The following ITPR1 variants were observed in gnomAD, a reference collection of about 807,000 sequenced individuals.
The protein encoded by ITPR1 is inositol 1,4,5-trisphosphate-gated calcium channel ITPR1.
ITPR1 carries 96 observed loss-of-function variants against 318.4 expected under a neutral mutation model. The observed-to-expected ratio is 0.30, with a 90% CI of 0.26 to 0.36. The LOEUF is 0.36. ITPR1 is among the 10% of genes least tolerant of loss of function. The pLI, the probability that ITPR1 is intolerant of heterozygous loss-of-function variation, is 1.00. For missense variants in ITPR1, 2,440 were observed against 3,460.2 expected, an observed-to-expected ratio of 0.71 and a Z score of 7.40; for synonymous variants, 1,312 against 1,289.9, an observed-to-expected ratio of 1.02 and a Z score of -0.37.
At chr3:4,761,546 C>G (rs192918216) in intron 44 of ITPR1, among the ~76,000 whole-genome samples, 1 of 152,214 alleles carries the variant, frequency 6.6e-6, no homozygotes, top group Admixed American at 6.5e-5. Flanking sequence ...TTTGATTTCT[C>G]TCACCATCAC....
chr3:4,757,465 G>C (rs1192582514), intron 44 of ITPR1, among the ~76,000 whole-genome samples: 5 of 152,174 alleles, frequency 3.3e-5, no homozygotes, highest in Admixed American at 2.6e-4. Flanking sequence ...AGACCTGGTG[G>C]GTAGGGGTAG....
At chr3:4,573,987 T>C (rs2088320692) in intron 4 of ITPR1, among the ~76,000 whole-genome samples, 1 of 152,174 alleles carries the variant, frequency 6.6e-6, no homozygotes, top group Admixed American at 6.5e-5. Flanking sequence ...GTGGAATGAG[T>C]GCGTAAAATA....
intron 59 of ITPR1, among the ~76,000 whole-genome samples, chr3:4,816,855 G>C (rs11130153): frequency 0.17 from 26,487 of 152,146 alleles, 2,826 homozygotes; most frequent in South Asian, 0.26. Flanking sequence ...ACTCTATTAT[G>C]ATGATGGTTG....
chr3:4,787,866 C>T (rs991397201), intron 51 of ITPR1, 81 bp from the exon 52 acceptor site: 17 of 951,854 alleles, frequency 1.8e-5, no homozygotes, highest in Middle Eastern at 2.6e-4. Context: ...TCTTGACCAC[C>T]GAGTCTACCA....
At chr3:4,681,489 A>G (rs1277216034) in intron 26 of ITPR1, 71 bp downstream of exon 26, 4 of 1,019,664 alleles carry the variant, frequency 3.9e-6, no homozygotes, top group Non-Finnish European at 6.2e-6. Flanking sequence ...CCTTCCCTTT[A>G]TTATGTTAGT....
intron 54 of ITPR1, among the ~76,000 whole-genome samples, chr3:4,804,092 G>A (rs752766794): frequency 1.7e-4 from 26 of 152,126 alleles, no homozygotes; most frequent in African/African-American, 4.6e-4. Flanking sequence ...GGCTGGTCGC[G>A]AACTCCTGAG....
rs75099514 is a variant in ITPR1 at position 4,548,526 on chromosome 3, G to A, written c.163+27432G>A. 3.3e-3 allele frequency among the ~76,000 whole-genome samples: 509 copies of A among 152,172 alleles called. 5 individuals are homozygous for A. Among genetic ancestry groups the A allele is most frequent in the African/African-American group, 0.012 (487 of 41,514 alleles). ...AAAACAAATTTCAGCACCTTTTCCC[G>A]AAGCCCGTATGCCTCCTTATGAAAT... On this transcript the variant is annotated intron_variant, in intron 4 of 61. Transcript: ENST00000649015.
At chr3:4,794,826 C>T (rs1476344384) in intron 52 of ITPR1, among the ~76,000 whole-genome samples, 1 of 152,190 alleles carries the variant, frequency 6.6e-6, no homozygotes, top group Non-Finnish European at 1.5e-5. Context: ...TCTCTTTTTG[C>T]TCTCTCCTTA....
chr3:4,541,093 C>T lies in ITPR1; in HGVS notation c.163+19999C>T, dbSNP rs984596496. 5.5e-4 allele frequency among the ~76,000 whole-genome samples: 83 copies of T among 152,138 alleles called. 4 individuals are homozygous for T. The highest frequency in any genetic ancestry group is 2.4e-4 in the Non-Finnish European group (16 of 68,030). ...TATTTAAACTCCTGTCATCCTCTCTCAGTCTATGCTCCTGTTCATGATGTT... is the reference window on the plus strand; with the variant it reads ...TATTTAAACTCCTGTCATCCTCTCTTAGTCTATGCTCCTGTTCATGATGTT... On this transcript the variant is annotated intron_variant, in intron 4 of 61. Transcript: ENST00000649015.
intron 34 of ITPR1, among the ~76,000 whole-genome samples, chr3:4,697,988 A>G (rs75217586): frequency 7.5e-4 from 115 of 152,330 alleles, no homozygotes; most frequent in African/African-American, 2.7e-3. Context: ...GGATTCTGCA[A>G]AACTCTTCAC....
intron 44 of ITPR1, among the ~76,000 whole-genome samples, chr3:4,743,936 G>C (rs181899527): frequency 6.7e-4 from 102 of 152,332 alleles, no homozygotes; most frequent in Non-Finnish European, 7.5e-4. Context: ...ATGGGTTCAA[G>C]CAATTCTCCT....
chr3:4,726,186 C>T (rs1023700325), intron 41 of ITPR1, among the ~76,000 whole-genome samples: 14 of 152,040 alleles, frequency 9.2e-5, no homozygotes, highest in Admixed American at 7.9e-4. Context: ...TGTGCAACAA[C>T]GCTCAGCGAA....
chr3:4,741,297 G>C (rs1303759865), intron 44 of ITPR1, among the ~76,000 whole-genome samples: 2 of 152,214 alleles, frequency 1.3e-5, no homozygotes, highest in African/African-American at 4.8e-5. Context: ...TATGGGGATA[G>C]ATAGTTAAAC....
chr3:4,495,414 G>A (rs1383685178), intron 2 of ITPR1, among the ~76,000 whole-genome samples: 3 of 152,196 alleles, frequency 2.0e-5, no homozygotes, highest in African/African-American at 7.2e-5. Context: ...CTTCATTATA[G>A]TGGTATAGTG....
chr3:4,766,389 T>C, intron 44 of ITPR1, 141 bp from the exon 45 acceptor site: 1 of 618,368 alleles, frequency 1.6e-6, no homozygotes, highest in South Asian at 2.2e-5. Flanking sequence ...GTGTGTGGAG[T>C]GGTCCTTAAT....
intron 4 of ITPR1, among the ~76,000 whole-genome samples, chr3:4,567,629 G>A (rs56073408): frequency 0.39 from 59,656 of 151,540 alleles, 12,809 homozygotes; most frequent in African/African-American, 0.57. Context: ...TTTTTGAGAC[G>A]GGGTCTTACT....
At chr3:4,578,888 G>A (rs867467467) in intron 4 of ITPR1, among the ~76,000 whole-genome samples, 2 of 152,162 alleles carry the variant, frequency 1.3e-5, no homozygotes, top group Non-Finnish European at 2.9e-5. Flanking sequence ...TGAGCTTCAC[G>A]TTGTCATTGA....
chr3:4,588,203 A>C lies in ITPR1; in HGVS notation c.164-39560A>C, dbSNP rs149310202. ...TTTCTATTATATAAGAAGTAGATGCATACAGTCTTCTCATATTCTTGCTGC... is the reference window on the plus strand; with the variant it reads ...TTTCTATTATATAAGAAGTAGATGCCTACAGTCTTCTCATATTCTTGCTGC... On this transcript the variant is annotated intron_variant, in intron 4 of 61. Transcript: ENST00000649015. Among the ~76,000 whole-genome samples the C allele has an allele frequency of 3.6e-3, 549 of 152,342 alleles. 6 individuals are homozygous for C. The highest frequency in any genetic ancestry group is 0.013 in the African/African-American group (526 of 41,578).
At chr3:4,778,573 CT>C (rs1405717135) in intron 48 of ITPR1, among the ~76,000 whole-genome samples, 1 of 152,112 alleles carries the variant, frequency 6.6e-6, no homozygotes, top group Non-Finnish European at 1.5e-5. Context: ...GACTTTTTTT[CT>C]GCTATTTTTA....
Sources: allele counts gnomAD v4.1 joint callset (sites outside exome capture counted in the v4.1 genomes callset), GRCh38; gene constraint gnomAD v4.1.1; transcripts MANE v1.5; gene names NCBI Gene and HGNC (gene_info 2026-07-23, HGNC 2026-07-21).